Variants in NCOA6 observed in about 807,000 individuals in gnomAD.
The protein encoded by NCOA6 is nuclear receptor coactivator 6.
Under a neutral mutation model 171.4 loss-of-function variants are expected in NCOA6, and 49 were observed. That is an observed-to-expected ratio of 0.29 (90% CI 0.23 to 0.36). The LOEUF (loss-of-function observed/expected upper bound fraction) is 0.36, where lower values mean the gene tolerates loss of function less well. Ranked by LOEUF, NCOA6 falls within the 10% of genes least tolerant of loss-of-function variation. The pLI is 1.00. For synonymous variants in NCOA6, 910 were observed against 927.5 expected, an observed-to-expected ratio of 0.98 and a Z score of 0.34; for missense variants, 2,248 against 2,554.5, an observed-to-expected ratio of 0.88 and a Z score of 2.59.
rs186367931 is a variant in NCOA6, at chr20:34,811,112, G to A, written c.-164+14360C>T. ...TCTAAGAGTATTAAAATGAGAGGAT[G>A]AACACCAGAGCTAGGACTAAACAGA... On this transcript the variant is annotated intron_variant, in intron 1 of 14. Transcript: ENST00000359003. Among the ~76,000 whole-genome samples, 624 of 146,744 alleles carry A rather than the reference G, an allele frequency of 4.3e-3. 2 individuals carry two copies. Among genetic ancestry groups the A allele is most frequent in the Admixed American group, 7.2e-3 (104 of 14,390 alleles).
chr20:34,762,418 C>T (rs1298655163), intron 5 of NCOA6, among the ~76,000 whole-genome samples: 1 of 151,860 alleles, frequency 6.6e-6, no homozygotes, highest in Non-Finnish European at 1.5e-5. Flanking sequence ...ATCCATTTAC[C>T]TTTATTGTTT....
chr20:34,760,145 C>A lies in NCOA6; in HGVS notation c.515-1212G>T, dbSNP rs545197777. On this transcript the variant is annotated intron_variant, in intron 5 of 14. Transcript: ENST00000359003. ...ATAAAAAAATCAGCCAGTGTGGTGG[C>A]AAGCGCCTGGATTCCTAGCTATTTA... is the stretch of plus-strand genomic sequence containing the variant. 2.3e-4 allele frequency among the ~76,000 whole-genome samples: 35 copies of A among 152,210 alleles called. No homozygotes were observed. The South Asian group carries it at 6.8e-3, about 30-fold the overall frequency.
chr20:34,806,067 A>C (rs1266771740), intron 1 of NCOA6, among the ~76,000 whole-genome samples: 4 of 152,202 alleles, frequency 2.6e-5, no homozygotes, highest in African/African-American at 9.6e-5. Flanking sequence ...ACAGTATATA[A>C]TAGTTGCCTT....
intron 1 of NCOA6, among the ~76,000 whole-genome samples, chr20:34,805,788 A>G (rs1268816693): frequency 6.6e-6 from 1 of 151,800 alleles, no homozygotes; most frequent in Non-Finnish European, 1.5e-5. Flanking sequence ...TCCCAGGTTC[A>G]AGAGATTCTC....
intron 1 of NCOA6, among the ~76,000 whole-genome samples, chr20:34,816,087 TCTCA>T (rs2078826345): frequency 6.6e-6 from 1 of 152,166 alleles, no homozygotes; most frequent in African/African-American, 2.4e-5. Context: ...AAATCAGACT[TCTCA>T]CTATTTCATT....
At chr20:34,768,677 TGCTTTTGAAGAATTATG>T in intron 4 of NCOA6, 91 bp from the exon 5 acceptor site, 1 of 1,444,416 alleles carries the variant, frequency 6.9e-7, no homozygotes, top group Non-Finnish European at 9.5e-7. Flanking sequence ...TAGTTTTCTG[TGCTTTTGAAGAATTATG>T]GTTAGTTTAC....
chr20:34,794,112 G>T (rs2077985928), intron 1 of NCOA6, among the ~76,000 whole-genome samples: 1 of 152,170 alleles, frequency 6.6e-6, no homozygotes, highest in Non-Finnish European at 1.5e-5. Flanking sequence ...CAGCAATTAA[G>T]TAATGTCTTT....
At position 34,784,217 on chromosome 20, in the gene NCOA6, G is replaced by A. The variant is rs889691503; in HGVS notation, c.-49-1813C>T. 9.2e-5 allele frequency among the ~76,000 whole-genome samples: 14 copies of A among 151,390 alleles called. 2 individuals are homozygous for A. The South Asian group carries it at 2.3e-3, about 25-fold the overall frequency. The stretch of plus-strand genomic sequence containing the variant: ...AATGAAAAAAAGTAACTCAAACACC[G>A]TTTAACTTTTTTTTTTTTAATTTAT... On this transcript the variant is annotated intron_variant, in intron 2 of 14. Coordinates refer to ENST00000359003, the MANE Select transcript of NCOA6 (RefSeq NM_014071.5).
In NCOA6 at chr20:34,732,553, T is replaced by C. The variant is rs2075819299; in HGVS notation, c.5999+6A>G. 3.1e-6 allele frequency: 5 copies of C among 1,613,376 alleles called. No individual in the cohort carries two copies. Among genetic ancestry groups the C allele is most frequent in the Non-Finnish European group, 2.5e-6 (3 of 1,179,456 alleles). On this transcript the variant is annotated splice_donor_region_variant and intron_variant, in intron 13 of 14. Coordinates refer to ENST00000359003, the MANE Select transcript of NCOA6 (RefSeq NM_014071.5). The stretch of plus-strand genomic sequence containing the variant: ...CATGCTACGTCTGCAGAAATGATCA[T>C]CTTACCTTTGTCCAGAGACTATGGC...
At chr20:34,750,648 G>A in intron 8 of NCOA6, 129 bp from the exon 9 acceptor site, 1 of 1,012,502 alleles carries the variant, frequency 9.9e-7, no homozygotes, top group Non-Finnish European at 1.4e-6. Context: ...TAAATATGCT[G>A]TTGACATACT....
chr20:34,729,242 C>G (rs555881903), intron 13 of NCOA6, among the ~76,000 whole-genome samples: 1 of 152,182 alleles, frequency 6.6e-6, no homozygotes, highest in South Asian at 2.1e-4. Flanking sequence ...TGAGCCACAA[C>G]GCCCAGCCCT....
At chr20:34,727,722 TTTTC>T (rs1172218464) in intron 13 of NCOA6, among the ~76,000 whole-genome samples, 3 of 151,278 alleles carry the variant, frequency 2.0e-5, no homozygotes, top group Non-Finnish European at 4.4e-5. Flanking sequence ...TTTTCTTTTC[TTTTC>T]TTTTTTTTTT....
At chr20:34,818,246 T>C (rs2078903713) in intron 1 of NCOA6, among the ~76,000 whole-genome samples, 1 of 152,130 alleles carries the variant, frequency 6.6e-6, no homozygotes, top group Admixed American at 6.5e-5. Flanking sequence ...TCCTAGCAAT[T>C]TGGGAGACCA....
In NCOA6 at chr20:34,740,845, G is replaced by A. The variant is rs1460133110; in HGVS notation, c.5411C>T (p.Ser1804Phe). Reference protein sequence around the residue: ...SPLLTNSPGSSGNRRSPVSSS... With the variant: ...SPLLTNSPGSFGNRRSPVSSS... ...CGAGACTGGGCTTCGCCGGTTGCCAGAGGACCCTGGACTATTGGTCAAAAG... is the reference window on the plus strand; with the variant it reads ...CGAGACTGGGCTTCGCCGGTTGCCAAAGGACCCTGGACTATTGGTCAAAAG... Residue 1804 changes from serine to phenylalanine, a missense_variant, in exon 11 of 15, where the codon TCT becomes TTT. This residue lies in a region of NCOA6 where 884 missense variants were observed against 941.9 expected (regional missense o/e 0.94). Coordinates refer to ENST00000359003, the MANE Select transcript of NCOA6 (RefSeq NM_014071.5). 1 of 1,614,240 alleles carries A rather than the reference G, an allele frequency of 6.2e-7. No individual in the cohort carries two copies. Among genetic ancestry groups the A allele is most frequent in the Non-Finnish European group, 8.5e-7 (1 of 1,180,048 alleles).
chr20:34,729,988 G>T (rs1990416098), intron 13 of NCOA6, among the ~76,000 whole-genome samples: 1 of 152,200 alleles, frequency 6.6e-6, no homozygotes, highest in African/African-American at 2.4e-5. Flanking sequence ...TCCTTTGAGA[G>T]GTGGTGAAGA....
chr20:34,715,161 T>C lies in NCOA6; in HGVS notation c.*161A>G. 1.2e-6 allele frequency: 1 copy of C among 841,136 alleles called. No individual in the cohort carries two copies. Among genetic ancestry groups the C allele is most frequent in the South Asian group, 1.7e-5 (1 of 60,564 alleles). The allele number at this position is 841,136 out of a possible 1,614,324, so 52.1% of individuals were successfully genotyped here. ...CCAAAAGGGCTCAACAGTCCTGCTT[T>C]CCCCATTGCACTTTATGAAACAGGT... On this transcript the variant is annotated 3_prime_UTR_variant, in exon 15 of 15. Coordinates refer to ENST00000359003, the MANE Select transcript of NCOA6 (RefSeq NM_014071.5).
chr20:34,723,740 C>T (rs1989643544), intron 14 of NCOA6, among the ~76,000 whole-genome samples: 1 of 152,198 alleles, frequency 6.6e-6, no homozygotes, highest in Non-Finnish European at 1.5e-5. Flanking sequence ...CTTTCCATCT[C>T]TTCTTGGCTG....
intron 7 of NCOA6, among the ~76,000 whole-genome samples, chr20:34,756,176 G>C (rs186247516): frequency 1.3e-5 from 2 of 152,290 alleles, no homozygotes; most frequent in African/African-American, 4.8e-5. Context: ...ATTTGCAGGA[G>C]GGACTACCCA....
intron 5 of NCOA6, among the ~76,000 whole-genome samples, chr20:34,764,705 T>C (rs1241177216): frequency 6.6e-6 from 1 of 151,910 alleles, no homozygotes; most frequent in Non-Finnish European, 1.5e-5. Flanking sequence ...AAAAGTTATA[T>C]TTTAAGTTTT....
Sources: allele counts gnomAD v4.1 joint callset (sites outside exome capture counted in the v4.1 genomes callset), GRCh38; gene constraint gnomAD v4.1.1; regional missense constraint gnomAD v4.1.1; transcripts MANE v1.5; gene names NCBI Gene and HGNC (gene_info 2026-07-23, HGNC 2026-07-21).